PHC3: variants seen among roughly 807,000 people sequenced by gnomAD.
PHC3 encodes polyhomeotic-like protein 3.
Under a neutral mutation model 107.4 loss-of-function variants are expected in PHC3, and 13 were observed. The ratio of observed to expected loss-of-function variants is 0.12; its 90% CI spans 0.08 to 0.19. The LOEUF is 0.19. Among genes scored for constraint, PHC3 ranks in the 10% least tolerant of loss-of-function variants. The pLI is 1.00. For missense variants in PHC3, 992 were observed against 1,210.9 expected (o/e 0.82, Z 2.68); for synonymous variants, 456 against 427.4 (o/e 1.07, Z -0.83).
At chr3:170,098,111 A>C (rs1714879422) in intron 14 of PHC3, among the ~76,000 whole-genome samples, 1 of 152,150 alleles carries the variant, frequency 6.6e-6, no homozygotes, top group Non-Finnish European at 1.5e-5. Flanking sequence ...TTTAGCTCTC[A>C]GTCTAAACCA....
intron 10 of PHC3, among the ~76,000 whole-genome samples, chr3:170,116,176 G>C (rs1315543891): frequency 2.0e-5 from 3 of 152,190 alleles, no homozygotes; most frequent in African/African-American, 7.2e-5. Context: ...TGAAAAATAT[G>C]ATTGAAGGCT....
rs575149447 is a variant in PHC3 at position 170,151,502 on chromosome 3, A to C, written c.415-2258T>G. 2.0e-5 allele frequency among the ~76,000 whole-genome samples: 3 copies of C among 152,294 alleles called. 1 individual carries two copies. The South Asian group carries it at 6.2e-4, about 32-fold the overall frequency. The stretch of plus-strand genomic sequence containing the variant: ...AAATTCCTGGTGCCAGAAAGGAAGA[A>C]ACTCAAAGCCAGAGAGATGTCACCT... On this transcript the variant is annotated intron_variant, in intron 4 of 14. Transcript: ENST00000495893.
At chr3:170,178,320 T>A (rs948427033) in intron 2 of PHC3, among the ~76,000 whole-genome samples, 1 of 151,576 alleles carries the variant, frequency 6.6e-6, no homozygotes, top group Admixed American at 6.6e-5. Flanking sequence ...ATTTTTTGTA[T>A]TTTTAGTAGA....
intron 4 of PHC3, among the ~76,000 whole-genome samples, chr3:170,158,212 T>A (rs1727204249): frequency 6.6e-6 from 1 of 152,066 alleles, no homozygotes; most frequent in African/African-American, 2.4e-5. Flanking sequence ...ATTTTTATAT[T>A]AAAAAGAAAA....
chr3:170,146,793 A>G (rs1376394712), intron 5 of PHC3, among the ~76,000 whole-genome samples: 4 of 151,514 alleles, frequency 2.6e-5, no homozygotes, highest in Non-Finnish European at 5.9e-5. Flanking sequence ...TCAGCCTCCC[A>G]AAGTGCTGGG....
chr3:170,115,834 C>T (rs1345551872), intron 10 of PHC3, among the ~76,000 whole-genome samples: 1 of 151,670 alleles, frequency 6.6e-6, no homozygotes, highest in African/African-American at 2.4e-5. Context: ...AAGACTGTTC[C>T]TCCATCCACT....
chr3:170,126,669 G>C (rs1721357969), intron 8 of PHC3, among the ~76,000 whole-genome samples: 1 of 151,366 alleles, frequency 6.6e-6, no homozygotes, highest in Non-Finnish European at 1.5e-5. Context: ...TGTCTCCCAA[G>C]TAGCTGGGAT....
rs891913026 is a variant in PHC3 at position 170,091,734 on chromosome 3, G to A, written c.*5496C>T. 1 of 151,798 alleles carries A rather than the reference G, an allele frequency of 6.6e-6. No individual in the cohort carries two copies. Among genetic ancestry groups the A allele is most frequent in the Middle Eastern group, 3.2e-3 (1 of 314 alleles). The allele number at this position is 151,798 out of a possible 1,614,324, so 9.4% of individuals were successfully genotyped here. On this transcript the variant is annotated 3_prime_UTR_variant, in exon 15 of 15. Coordinates refer to ENST00000495893, the MANE Select transcript of PHC3 (RefSeq NM_024947.4). ...AAGCCATATTCTCTGGAATGTGATG[G>A]TAATAATTATATTTGTATTATTTGT...
At chr3:170,145,104 T>C (rs572070244) in intron 6 of PHC3, among the ~76,000 whole-genome samples, 3 of 152,342 alleles carry the variant, frequency 2.0e-5, no homozygotes, top group African/African-American at 7.2e-5. Context: ...CAAAGGAATC[T>C]AAGCAAAAGA....
chr3:170,178,275 C>T (rs1011298523), intron 2 of PHC3, among the ~76,000 whole-genome samples: 15 of 151,728 alleles, frequency 9.9e-5, no homozygotes, highest in Non-Finnish European at 1.9e-4. Context: ...TCCCGAGTAG[C>T]TGGGACTACA....
In PHC3 at chr3:170,097,995, G is replaced by A. The variant is rs1714859621; in HGVS notation, c.2834-611C>T. ...TTGCAATGCTGCTGAAATGTATTAC[G>A]CTGCTTGACTTGACTATCACTGGGC... On this transcript the variant is annotated intron_variant, in intron 14 of 14. Coordinates refer to ENST00000495893, the MANE Select transcript of PHC3 (RefSeq NM_024947.4). The surrounding 1 kb of genome is among the most constrained non-coding windows in gnomAD (Gnocchi z 4.1). Among the ~76,000 whole-genome samples, 1 of 151,986 alleles carries A rather than the reference G, an allele frequency of 6.6e-6. No individual in the cohort carries two copies. Among genetic ancestry groups the A allele is most frequent in the Non-Finnish European group, 1.5e-5 (1 of 67,998 alleles).
intron 11 of PHC3, among the ~76,000 whole-genome samples, chr3:170,110,772 T>G (rs752923290): frequency 6.6e-5 from 10 of 152,222 alleles, no homozygotes; most frequent in Non-Finnish European, 1.2e-4. Flanking sequence ...GTCCATTATA[T>G]TATAAACTGA....
intron 11 of PHC3, among the ~76,000 whole-genome samples, chr3:170,107,398 A>G (rs1479184185): frequency 6.6e-6 from 1 of 152,118 alleles, no homozygotes; most frequent in African/African-American, 2.4e-5. Context: ...GATGGCTTCA[A>G]AATGGTGAAA....
chr3:170,151,056 CA>C (rs1469708098), intron 4 of PHC3, among the ~76,000 whole-genome samples: 1 of 151,596 alleles, frequency 6.6e-6, no homozygotes, highest in Non-Finnish European at 1.5e-5. Context: ...ACTAAAAATA[CA>C]AAAATTAGCC....
rs1283114690 is a variant in PHC3, at chr3:170,090,943, A to G, written c.*6287T>C. 6.6e-6 allele frequency: 1 copy of G among 152,240 alleles called. No homozygotes were observed. Among genetic ancestry groups the G allele is most frequent in the Non-Finnish European group, 1.5e-5 (1 of 68,046 alleles). 9.4% of individuals were successfully genotyped at this position (152,240 alleles called of 1,614,324 possible). A position where few individuals can be genotyped will look rare whatever the true frequency, so the allele number is the denominator to read the frequency against. On this transcript the variant is annotated 3_prime_UTR_variant, in exon 15 of 15. Coordinates refer to ENST00000495893, the MANE Select transcript of PHC3 (RefSeq NM_024947.4). ...CAAAACAAAAAATACTTTTAAGAGA[A>G]GCATTCTAAATAAAGATTTAAACAC...
intron 6 of PHC3, among the ~76,000 whole-genome samples, chr3:170,137,018 AGTGT>A (rs1723199220): frequency 6.6e-6 from 1 of 152,180 alleles, no homozygotes; most frequent in Non-Finnish European, 1.5e-5. Context: ...ATATACAGAC[AGTGT>A]GTGTATTATA....
At chr3:170,119,645 A>G (rs187083417) in intron 9 of PHC3, among the ~76,000 whole-genome samples, 15 of 152,262 alleles carry the variant, frequency 9.9e-5, no homozygotes, top group African/African-American at 3.6e-4. Flanking sequence ...TAACTGATAA[A>G]ATTTTGCCAC....
intron 6 of PHC3, among the ~76,000 whole-genome samples, chr3:170,141,768 C>T (rs563818212): frequency 3.9e-5 from 6 of 152,112 alleles, no homozygotes; most frequent in African/African-American, 1.4e-4. Flanking sequence ...CGCACCACCA[C>T]GCCCTGCAAA....
chr3:170,128,716 C>T lies in PHC3; in HGVS notation c.1756G>A (p.Val586Met). Reference sequence around the variant, plus strand: ...GGATCAACAGGTGCTGGTGGTTGCACTTGTAGGTTTACCGCAACAGTCTGT... The same window carrying T: ...GGATCAACAGGTGCTGGTGGTTGCATTTGTAGGTTTACCGCAACAGTCTGT... ...PPQTVAVNLQ[V>M]QPPAPVDPPV... The change falls in exon 8 of 15, where the codon GTG becomes ATG. Residue 586 changes from valine (V) to methionine (M), a missense_variant. Val to Met is a conservative substitution (Grantham distance 21, BLOSUM62 1). Coordinates refer to ENST00000495893, the MANE Select transcript of PHC3 (RefSeq NM_024947.4). The T allele has an allele frequency of 6.2e-7, 1 of 1,613,974 alleles. No homozygotes were observed. Among genetic ancestry groups the T allele is most frequent in the Non-Finnish European group, 8.5e-7 (1 of 1,179,870 alleles).
Sources: allele counts gnomAD v4.1 joint callset (sites outside exome capture counted in the v4.1 genomes callset), GRCh38; gene constraint gnomAD v4.1.1; non-coding constraint Gnocchi (gnomAD v3.1); transcripts MANE v1.5; gene names NCBI Gene and HGNC (gene_info 2026-07-23, HGNC 2026-07-21).